MYO1A: variants seen among roughly 807,000 people sequenced by gnomAD.
MYO1A encodes the protein unconventional myosin-Ia.
Under a neutral mutation model 138.5 loss-of-function variants are expected in MYO1A, and 127 were observed. The observed-to-expected ratio is 0.92, with a 90% confidence interval of 0.79 to 1.06. MYO1A has a LOEUF of 1.06. MYO1A is among the 50% of genes least tolerant of loss of function. The pLI is 0.00. For synonymous variants in MYO1A, 477 were observed against 497.5 expected (o/e 0.96, Z 0.55); for missense variants, 1,211 against 1,288.8 (o/e 0.94, Z 0.92).
rs935562949 is a variant in MYO1A at position 57,028,547 on chromosome 12, T to C, written c.*208A>G. 10 of 601,050 alleles carry C rather than the reference T, an allele frequency of 1.7e-5. No homozygotes were observed. Among genetic ancestry groups the C allele is most frequent in the South Asian group, 2.2e-5 (1 of 46,220 alleles). The allele number at this position is 601,050 out of a possible 1,614,324, so 37.2% of individuals were successfully genotyped here. On this transcript the variant is annotated 3_prime_UTR_variant, in exon 28 of 28. Transcript: ENST00000300119. ...CTTTCCAAGCCACATGTTTTATTAGTGTGCAGAGAGGCTGCGGGTTGGAGG... is the reference window on the plus strand; with the variant it reads ...CTTTCCAAGCCACATGTTTTATTAGCGTGCAGAGAGGCTGCGGGTTGGAGG...
chr12:57,046,293 C>T (rs78272632), intron 8 of MYO1A, among the ~76,000 whole-genome samples: 4,743 of 152,060 alleles, frequency 0.031, 92 homozygotes, highest in Middle Eastern at 0.078. Context: ...GAAAGAGGAA[C>T]GAGAACAGTG....
At chr12:57,044,270 T>A in intron 8 of MYO1A, 61 bp from the exon 9 acceptor site, 1 of 1,334,876 alleles carries the variant, frequency 7.5e-7, no homozygotes, top group Non-Finnish European at 1.1e-6. Flanking sequence ...CCCTCCAGCC[T>A]TGACACCTCA....
chr12:57,039,182 A>G, intron 15 of MYO1A, 30 bp downstream of exon 15: 1 of 1,606,952 alleles, frequency 6.2e-7, no homozygotes, highest in Admixed American at 1.7e-5. Flanking sequence ...TGGAAGGGGA[A>G]GTCCCACAGA....
chr12:57,038,127 C>T, intron 17 of MYO1A, 58 bp from the exon 18 acceptor site: 2 of 1,574,978 alleles, frequency 1.3e-6, no homozygotes, highest in South Asian at 2.2e-5. Flanking sequence ...GCCAGTGTAA[C>T]CCATCATATT....
chr12:57,038,930 T>G lies in MYO1A; in HGVS notation c.1412A>C (p.Lys471Thr). ...GVVSDSTFLA[K>T]LNQLFSKHGH... Reference sequence around the variant, plus strand: ...ATGCTTGGAGAAGAGCTGGTTCAGCTTTGCTAGGAAAGTGGAGTCACTGAC... The same window carrying G: ...ATGCTTGGAGAAGAGCTGGTTCAGCGTTGCTAGGAAAGTGGAGTCACTGAC... The change falls in exon 16 of 28, where the codon AAG becomes ACG. Residue 471 changes from lysine (K) to threonine (T), a missense_variant. By Grantham distance (78) the Lys-to-Thr change is moderately conservative (BLOSUM62 -1). Coordinates refer to ENST00000300119, the MANE Select transcript of MYO1A (RefSeq NM_005379.4). 6.2e-7 allele frequency: 1 copy of G among 1,614,166 alleles called. No homozygotes were observed. The highest frequency in any genetic ancestry group is 8.5e-7 in the Non-Finnish European group (1 of 1,180,034).
rs773420690 is a variant in MYO1A, at chr12:57,037,856, C to T, written c.1961+13G>A. On this transcript the variant is annotated intron_variant, in intron 18 of 27. Coordinates refer to ENST00000300119, the MANE Select transcript of MYO1A (RefSeq NM_005379.4). ...GCCCTTTCCTGATGCCCAGTCTCCC[C>T]ATGGGGTCTTACCGGTCTCCCCCAT... is the stretch of plus-strand genomic sequence containing the variant. The T allele has an allele frequency of 6.2e-7, 1 of 1,613,522 alleles. No individual in the cohort carries two copies. The highest frequency in any genetic ancestry group is 8.5e-7 in the Non-Finnish European group (1 of 1,179,608).
rs946907616 is a variant in MYO1A at position 57,028,670 on chromosome 12, A to G, written c.*85T>C. ...GCCATGCGCCACGATCAGAGGGGTT[A>G]GAGATCCTCCCACACAGGAGGGCAG... On this transcript the variant is annotated 3_prime_UTR_variant, in exon 28 of 28. Coordinates refer to ENST00000300119, the MANE Select transcript of MYO1A (RefSeq NM_005379.4). 7.7e-6 allele frequency: 12 copies of G among 1,561,044 alleles called. No homozygotes were observed. The African/African-American group carries it at 1.2e-4, about 16-fold the overall frequency.
In MYO1A at chr12:57,043,363, G is replaced by C. The variant is rs2030950340; in HGVS notation, c.893-5C>G. 6.2e-7 allele frequency: 1 copy of C among 1,613,158 alleles called. No individual in the cohort carries two copies. Among genetic ancestry groups the C allele is most frequent in the Non-Finnish European group, 8.5e-7 (1 of 1,179,122 alleles). On this transcript the variant is annotated splice_polypyrimidine_tract_variant and splice_region_variant and intron_variant, in intron 10 of 27. Coordinates refer to ENST00000300119, the MANE Select transcript of MYO1A (RefSeq NM_005379.4). ...TCTCCCCAATCTCCCGAACACCTGG[G>C]ATAATGAGAAAGTACAGCATGTCCT...
chr12:57,030,238 T>G lies in MYO1A; in HGVS notation c.2563A>C (p.Lys855Gln). 1 of 1,614,160 alleles carries G rather than the reference T, an allele frequency of 6.2e-7. No homozygotes were observed. The highest frequency in any genetic ancestry group is 8.5e-7 in the Non-Finnish European group (1 of 1,180,012). ...TGGGGATATGAAGCCTTCTTGCCCT[T>G]GAACAGTTCACTGGCACAGAGCTTT... is the stretch of plus-strand genomic sequence containing the variant. ...REKLCASELF[K>Q]GKKASYPQSV... is the part of the protein sequence containing the mutation. The change falls in exon 24 of 28, where the codon AAG becomes CAG. Residue 855 changes from lysine (K) to glutamine (Q), a missense_variant. Lys to Gln is a moderately conservative substitution (Grantham distance 53). Coordinates refer to ENST00000300119, the MANE Select transcript of MYO1A (RefSeq NM_005379.4).
rs759367634 is a variant in MYO1A, at chr12:57,038,831, C to A, written c.1511G>T (p.Arg504Leu). Residue 504 changes from arginine to leucine, a missense_variant, in exon 16 of 28, where the codon CGC becomes CTC. By Grantham distance (102) the Arg-to-Leu change is moderately radical. Transcript: ENST00000300119. ...CACCTTGCCCGCATAGTGGCAGATGCGGAAGCAGCTGAGGCCCATGGTGTG... is the reference window on the plus strand; with the variant it reads ...CACCTTGCCCGCATAGTGGCAGATGAGGAAGCAGCTGAGGCCCATGGTGTG... ...YDHTMGLSCF[R>L]ICHYAGKVTY... is the part of the protein sequence containing the mutation. 3 of 1,614,158 alleles carry A rather than the reference C, an allele frequency of 1.9e-6. No individual in the cohort carries two copies. The highest frequency in any genetic ancestry group is 1.1e-5 in the South Asian group (1 of 91,078).
In MYO1A at chr12:57,028,608, G is replaced by T; in HGVS notation, c.*147C>A. 9.1e-7 allele frequency: 1 copy of T among 1,103,504 alleles called. No individual in the cohort carries two copies. The highest frequency in any genetic ancestry group is 1.3e-6 in the Non-Finnish European group (1 of 768,436). 68.4% of individuals were successfully genotyped at this position (1,103,504 alleles called of 1,614,324 possible). A position where few individuals can be genotyped will look rare whatever the true frequency, so the allele number is the denominator to read the frequency against. Reference sequence around the variant, plus strand: ...TGGAGGAGAGAACAAGAAGGGTTTGGGACAAGGGTCCTCTTCAAGGGTAGT... The same window carrying T: ...TGGAGGAGAGAACAAGAAGGGTTTGTGACAAGGGTCCTCTTCAAGGGTAGT... On this transcript the variant is annotated 3_prime_UTR_variant, in exon 28 of 28. Transcript: ENST00000300119.
chr12:57,031,982 T>G (rs975948646), intron 22 of MYO1A, among the ~76,000 whole-genome samples: 53 of 152,170 alleles, frequency 3.5e-4, no homozygotes, highest in African/African-American at 1.0e-3. Flanking sequence ...GACCCCTGCA[T>G]TCCCTGGGCA....
Position 57,048,003 on chromosome 12 carries a change from C to G in MYO1A, c.216G>C (p.Glu72Asp). ...IAKYQDYTFY[E>D]LKPHIYALAN... ...CCCCTACTCACATATGGGGCTTCAGCTCATAGAAAGTATAGTCTTGATATT... is the reference window on the plus strand; with the variant it reads ...CCCCTACTCACATATGGGGCTTCAGGTCATAGAAAGTATAGTCTTGATATT... Residue 72 changes from glutamate to aspartate, a missense_variant, in exon 3 of 28, where the codon GAG becomes GAC. By Grantham distance (45) the Glu-to-Asp change is conservative. Transcript: ENST00000300119. 6.2e-7 allele frequency: 1 copy of G among 1,614,004 alleles called. No homozygotes were observed. The highest frequency in any genetic ancestry group is 8.5e-7 in the Non-Finnish European group (1 of 1,179,874).
intron 16 of MYO1A, 35 bp from the exon 17 acceptor site, chr12:57,038,673 C>A (rs1183667955): frequency 1.2e-6 from 2 of 1,610,936 alleles, no homozygotes; most frequent in Non-Finnish European, 1.7e-6. Flanking sequence ...GGAGACCCCA[C>A]AACCTTGTCC....
rs745305597 is a variant in MYO1A at position 57,046,857 on chromosome 12, A to G, written c.541+6T>C. 41 of 1,613,866 alleles carry G rather than the reference A, an allele frequency of 2.5e-5. No homozygotes were observed. The South Asian group carries it at 4.5e-4, about 18-fold the overall frequency. The stretch of plus-strand genomic sequence containing the variant: ...GACAGGTGAGTGGAATTGGGGAGAC[A>G]CGTACAGTTTGTGATGACACCACCG... On this transcript the variant is annotated splice_donor_region_variant and intron_variant, in intron 7 of 27. Coordinates refer to ENST00000300119, the MANE Select transcript of MYO1A (RefSeq NM_005379.4).
chr12:57,031,013 G>A, intron 23 of MYO1A, 27 bp downstream of exon 23: 1 of 1,612,032 alleles, frequency 6.2e-7, no homozygotes, highest in African/African-American at 1.3e-5. Flanking sequence ...GACGAAATGA[G>A]AGGAGGGGTG....
At chr12:57,035,733 C>CT (rs2030508062) in intron 22 of MYO1A, among the ~76,000 whole-genome samples, 2 of 152,316 alleles carry the variant, frequency 1.3e-5, no homozygotes, top group South Asian at 4.1e-4. Context: ...TTTTCTCCCC[C>CT]TGGGAGCTGT....
In MYO1A at chr12:57,030,336, G is replaced by C. The variant is rs1444929873; in HGVS notation, c.2485-20C>G. On this transcript the variant is annotated intron_variant, in intron 23 of 27. Coordinates refer to ENST00000300119, the MANE Select transcript of MYO1A (RefSeq NM_005379.4). ...CTTGCACTGTGAGGAAGGAGGGACA[G>C]GAGCTAAAATCATAGAGTGGGAGGG... 6.2e-7 allele frequency: 1 copy of C among 1,604,482 alleles called. No individual in the cohort carries two copies. The highest frequency in any genetic ancestry group is 1.1e-5 in the South Asian group (1 of 90,856).
At position 57,044,044 on chromosome 12, in the gene MYO1A, C is replaced by T. The variant is rs1255918727; in HGVS notation, c.745-41G>A. 3.1e-6 allele frequency: 5 copies of T among 1,614,174 alleles called. No individual in the cohort carries two copies. In the South Asian group the frequency reaches 4.4e-5, roughly 14 times the overall value. On this transcript the variant is annotated intron_variant, in intron 9 of 27. Transcript: ENST00000300119. ...GAAATCAAAAGCTGAACTGTTGGTG[C>T]CAGTCCAATGCGAATAGAGGATGAC...
Sources: allele counts gnomAD v4.1 joint callset (sites outside exome capture counted in the v4.1 genomes callset), GRCh38; gene constraint gnomAD v4.1.1; transcripts MANE v1.5; gene names NCBI Gene and HGNC (gene_info 2026-07-23, HGNC 2026-07-21).